STXBP5L: variants seen among roughly 807,000 people sequenced by gnomAD.
STXBP5L encodes syntaxin-binding protein 5-like.
In STXBP5L, 65 loss-of-function variants were observed where a neutral mutation model predicts 144.5. The observed-to-expected ratio is 0.45, with a 90% confidence interval of 0.37 to 0.55. STXBP5L has a LOEUF of 0.55. STXBP5L is among the 20% of genes least tolerant of loss of function. The pLI is 0.00. For missense variants in STXBP5L, 1,298 were observed against 1,405.5 expected (o/e 0.92, Z 1.22); for synonymous variants, 505 against 469.6 (o/e 1.08, Z -0.97).
At chr3:120,986,874 G>A (rs369091290) in intron 3 of STXBP5L, among the ~76,000 whole-genome samples, 9 of 151,800 alleles carry the variant, frequency 5.9e-5, no homozygotes, top group East Asian at 3.8e-4. Context: ...TGAAGATAGC[G>A]CAATGAAAAT....
intron 10 of STXBP5L, among the ~76,000 whole-genome samples, chr3:121,214,332 C>G (rs945421276): frequency 6.6e-6 from 1 of 152,096 alleles, no homozygotes; most frequent in South Asian, 2.1e-4. Context: ...CTTGCTTTCT[C>G]CTGTGGGCAT....
At chr3:121,018,756 C>T (rs531052095) in intron 3 of STXBP5L, among the ~76,000 whole-genome samples, 2 of 152,194 alleles carry the variant, frequency 1.3e-5, no homozygotes, top group South Asian at 4.1e-4. Flanking sequence ...AGATAGGAGG[C>T]GGAACTAACT....
chr3:121,313,656 GC>G (rs2043653213), intron 19 of STXBP5L, among the ~76,000 whole-genome samples: 2 of 73,146 alleles, frequency 2.7e-5, no homozygotes, highest in Admixed American at 1.2e-4. Context: ...GGGCAGAGGG[GC>G]TCCTCACTTC....
chr3:121,369,903 G>A (rs529078246), intron 20 of STXBP5L, among the ~76,000 whole-genome samples: 5 of 152,268 alleles, frequency 3.3e-5, no homozygotes, highest in African/African-American at 1.2e-4. Context: ...GGTTGGGTAA[G>A]TTCTTATAGA....
chr3:121,343,519 C>G (rs902567474), intron 20 of STXBP5L, among the ~76,000 whole-genome samples: 45 of 152,124 alleles, frequency 3.0e-4, no homozygotes, highest in African/African-American at 1.1e-3. Context: ...AGCCCAAAAT[C>G]TCCTTAAGCT....
intron 20 of STXBP5L, among the ~76,000 whole-genome samples, chr3:121,337,342 A>G (rs1008757366): frequency 3.3e-5 from 5 of 152,036 alleles, no homozygotes; most frequent in African/African-American, 1.2e-4. Context: ...ACTCGAGGTA[A>G]AGGGGTGGAA....
intron 7 of STXBP5L, among the ~76,000 whole-genome samples, chr3:121,136,463 A>T (rs1373921707): frequency 6.6e-6 from 1 of 152,080 alleles, no homozygotes; most frequent in East Asian, 1.9e-4. Context: ...ACCAGAATAA[A>T]CCTTAGTTGC....
intron 3 of STXBP5L, among the ~76,000 whole-genome samples, chr3:121,015,684 A>G (rs1383235293): frequency 6.6e-6 from 1 of 152,126 alleles, no homozygotes; most frequent in African/African-American, 2.4e-5. Flanking sequence ...ATTCTTCCGA[A>G]TAAGCATTGT....
At chr3:121,056,751 G>T (rs887792040) in intron 5 of STXBP5L, among the ~76,000 whole-genome samples, 4 of 151,766 alleles carry the variant, frequency 2.6e-5, no homozygotes, top group African/African-American at 9.7e-5. Context: ...TAATTAATTT[G>T]TTTTTTCTTT....
intron 9 of STXBP5L, among the ~76,000 whole-genome samples, chr3:121,178,184 G>C (rs868536675): frequency 6.6e-6 from 1 of 152,146 alleles, no homozygotes. Flanking sequence ...AAGACAAAAA[G>C]TTCTGGAGAT....
At position 121,169,674 on chromosome 3, in the gene STXBP5L, C is replaced by T. The variant is rs867230350; in HGVS notation, c.877+12047C>T. Among the ~76,000 whole-genome samples the T allele has an allele frequency of 5.9e-5, 9 of 152,180 alleles. No homozygotes were observed. The East Asian group carries it at 7.7e-4, about 13-fold the overall frequency. On this transcript the variant is annotated intron_variant, in intron 9 of 26. Transcript: ENST00000471454. ...ATCCCAAATATATATGCAACCAATA[C>T]AGGAGCACCCAGATTCATAAAGCAA...
At chr3:121,045,375 G>C in intron 4 of STXBP5L, 60 bp from the exon 5 acceptor site, 1 of 1,475,192 alleles carries the variant, frequency 6.8e-7, no homozygotes, top group Non-Finnish European at 9.2e-7. Flanking sequence ...GCTTGTTTGT[G>C]ATTAAAAAAA....
intron 5 of STXBP5L, among the ~76,000 whole-genome samples, chr3:121,111,194 C>G (rs897762747): frequency 2.0e-5 from 3 of 152,158 alleles, no homozygotes; most frequent in Non-Finnish European, 4.4e-5. Context: ...GCTCCTTTAG[C>G]TCAGTGAAGT....
intron 9 of STXBP5L, among the ~76,000 whole-genome samples, chr3:121,161,339 G>T (rs1331177221): frequency 1.3e-5 from 2 of 151,294 alleles, no homozygotes; most frequent in Non-Finnish European, 2.9e-5. Flanking sequence ...GTTTTAAGGT[G>T]ATGAACACTT....
intron 20 of STXBP5L, among the ~76,000 whole-genome samples, chr3:121,351,718 C>T (rs183821260): frequency 1.3e-5 from 2 of 152,070 alleles, no homozygotes; most frequent in Non-Finnish European, 1.5e-5. Context: ...TCTATTTTGG[C>T]TTTTGTTGCC....
At chr3:121,357,954 T>C (rs1334424606) in intron 20 of STXBP5L, 3 of 152,232 alleles carry the variant, frequency 2.0e-5, no homozygotes, top group African/African-American at 4.8e-5. Flanking sequence ...AATCTTTTTT[T>C]CTTTTTTAAA....
chr3:120,982,983 C>A (rs1271704224), intron 3 of STXBP5L, among the ~76,000 whole-genome samples: 12 of 152,194 alleles, frequency 7.9e-5, no homozygotes, highest in Admixed American at 7.8e-4. Context: ...GGCAGGGTGG[C>A]TGTGCTGTGG....
chr3:121,041,604 A>G, intron 3 of STXBP5L, 96 bp from the exon 4 acceptor site: 1 of 924,560 alleles, frequency 1.1e-6, no homozygotes, highest in Non-Finnish European at 1.7e-6. Flanking sequence ...AGGGAAACCA[A>G]ATAGCAAAAC....
chr3:120,908,567 G>GT (rs1027185092), intron 1 of STXBP5L, among the ~76,000 whole-genome samples: 1 of 151,740 alleles, frequency 6.6e-6, no homozygotes, highest in African/African-American at 2.4e-5. Context: ...GGCGTGAGGT[G>GT]TTTGTGTGTT....
Sources: allele counts gnomAD v4.1 joint callset (sites outside exome capture counted in the v4.1 genomes callset), GRCh38; gene constraint gnomAD v4.1.1; transcripts MANE v1.5; gene names NCBI Gene and HGNC (gene_info 2026-07-23, HGNC 2026-07-21).